SPECC1: variants seen among roughly 807,000 people sequenced by gnomAD.
SPECC1 encodes cytospin-B.
In SPECC1, 62 loss-of-function variants were observed where a neutral mutation model predicts 104.1. The ratio of observed to expected loss-of-function variants is 0.60; its 90% CI spans 0.49 to 0.74. The LOEUF is 0.74. SPECC1 is among the 30% of genes least tolerant of loss of function. The pLI, the probability that SPECC1 is intolerant of heterozygous loss-of-function variation, is 0.00. For missense variants in SPECC1, 1,306 were observed against 1,310.5 expected, an observed-to-expected ratio of 1.00 and a Z score of 0.05; for synonymous variants, 513 against 501.6, an observed-to-expected ratio of 1.02 and a Z score of -0.30.
At chr17:20,011,609 G>C (rs1567791736) in intron 1 of SPECC1, among the ~76,000 whole-genome samples, 1 of 151,118 alleles carries the variant, frequency 6.6e-6, no homozygotes, top group African/African-American at 2.4e-5. Context: ...TAATTCTATT[G>C]ATTTTTTATT....
intron 3 of SPECC1, among the ~76,000 whole-genome samples, chr17:20,202,262 G>T (rs1161787633): frequency 6.6e-6 from 1 of 152,140 alleles, no homozygotes; most frequent in Non-Finnish European, 1.5e-5. Context: ...AAGGTACTGT[G>T]ATGCTAATCA....
At chr17:20,203,916 C>A (rs567161124) in intron 3 of SPECC1, among the ~76,000 whole-genome samples, 1 of 152,224 alleles carries the variant, frequency 6.6e-6, no homozygotes. Context: ...TTCCTTCTTC[C>A]TTCTCTGCCA....
chr17:20,019,793 C>G (rs1000461501), intron 1 of SPECC1, among the ~76,000 whole-genome samples: 13 of 152,158 alleles, frequency 8.5e-5, no homozygotes, highest in African/African-American at 3.1e-4. Context: ...CCCTGATCAC[C>G]CCCATCCATG....
At chr17:20,026,732 G>A (rs1371585545) in intron 1 of SPECC1, among the ~76,000 whole-genome samples, 2 of 152,162 alleles carry the variant, frequency 1.3e-5, no homozygotes, top group African/African-American at 4.8e-5. Flanking sequence ...TGTGAACAGT[G>A]TTGCAATTAA....
chr17:20,173,375 A>G (rs1291784051), intron 3 of SPECC1, among the ~76,000 whole-genome samples: 1 of 152,222 alleles, frequency 6.6e-6, no homozygotes, highest in African/African-American at 2.4e-5. Context: ...TATCTGTGAG[A>G]CAGCTGTGGT....
At chr17:20,279,416 G>T (rs1440610478) in intron 12 of SPECC1, among the ~76,000 whole-genome samples, 4 of 149,756 alleles carry the variant, frequency 2.7e-5, no homozygotes, top group African/African-American at 9.9e-5. Flanking sequence ...TCTGCCCCCT[G>T]GGTTCAAGCG....
At position 20,009,706 on chromosome 17, in the gene SPECC1, C is replaced by T. The variant is rs1426827273; in HGVS notation, c.-22+282C>T. On this transcript the variant is annotated intron_variant, in intron 1 of 14. Transcript: ENST00000395527. This position sits in a 1 kb window ranked among gnomAD's most constrained non-coding sequence, Gnocchi z 5.2. ...GGCAGCGGCAGGTGGCCGCCTCCTC[C>T]CCTCCGGGCCCGAGGGTTGTCGCAG... Among the ~76,000 whole-genome samples the T allele has an allele frequency of 6.6e-6, 1 of 152,116 alleles. No homozygotes were observed. Among genetic ancestry groups the T allele is most frequent in the African/African-American group, 2.4e-5 (1 of 41,444 alleles).
At chr17:20,018,279 A>G (rs1462307179) in intron 1 of SPECC1, among the ~76,000 whole-genome samples, 2 of 152,314 alleles carry the variant, frequency 1.3e-5, no homozygotes, top group African/African-American at 2.4e-5. Context: ...TTTCCTAGAC[A>G]TTTTAGTTGG....
intron 8 of SPECC1, 100 bp downstream of exon 8, chr17:20,246,171 T>A (rs1263799803): frequency 2.1e-6 from 3 of 1,445,648 alleles, no homozygotes; most frequent in Non-Finnish European, 2.8e-6. Flanking sequence ...CCTGTGTTGT[T>A]ACAACCACAA....
At chr17:20,303,436 G>A in intron 13 of SPECC1, among the ~76,000 whole-genome samples, 1 of 152,118 alleles carries the variant, frequency 6.6e-6, no homozygotes, top group Non-Finnish European at 1.5e-5. Flanking sequence ...GCTTTCCAAG[G>A]CATGGGCCAC....
At chr17:20,063,149 G>C (rs1026276939) in intron 1 of SPECC1, among the ~76,000 whole-genome samples, 3 of 152,196 alleles carry the variant, frequency 2.0e-5, no homozygotes, top group Non-Finnish European at 4.4e-5. Flanking sequence ...TAGTCTGCAA[G>C]ATGGGTTTAA....
intron 1 of SPECC1, among the ~76,000 whole-genome samples, chr17:20,070,629 C>G (rs188424560): frequency 1.3e-5 from 2 of 152,076 alleles, no homozygotes; most frequent in African/African-American, 4.8e-5. Flanking sequence ...ACCAATTAGA[C>G]TTTAAATTAT....
At chr17:20,232,823 A>G (rs1481168132) in intron 7 of SPECC1, among the ~76,000 whole-genome samples, 1 of 152,236 alleles carries the variant, frequency 6.6e-6, no homozygotes, top group Non-Finnish European at 1.5e-5. Context: ...CCGGAGAAGG[A>G]CACATTCCTC....
intron 7 of SPECC1, among the ~76,000 whole-genome samples, chr17:20,235,678 C>T (rs1025583348): frequency 6.6e-6 from 1 of 152,186 alleles, no homozygotes; most frequent in Non-Finnish European, 1.5e-5. Context: ...AATGCCATTA[C>T]TTTTAGGGTG....
At chr17:20,222,846 T>C (rs546650654) in intron 4 of SPECC1, among the ~76,000 whole-genome samples, 3 of 152,326 alleles carry the variant, frequency 2.0e-5, no homozygotes, top group South Asian at 4.1e-4. Context: ...TCTCTATTTC[T>C]CTGTCATGTT....
intron 3 of SPECC1, among the ~76,000 whole-genome samples, chr17:20,117,289 A>C (rs564624128): frequency 3.3e-5 from 5 of 152,330 alleles, no homozygotes; most frequent in Non-Finnish European, 2.9e-5. Context: ...CTGCAAGACT[A>C]CAAAGAGAAA....
chr17:20,162,173 T>G (rs1333901671), intron 3 of SPECC1, among the ~76,000 whole-genome samples: 1 of 151,668 alleles, frequency 6.6e-6, no homozygotes, highest in Non-Finnish European at 1.5e-5. Context: ...TTAGACAGAG[T>G]CTCGCTCTGT....
At chr17:20,017,333 C>T (rs1190961862) in intron 1 of SPECC1, 6 of 152,462 alleles carry the variant, frequency 3.9e-5, no homozygotes, top group Admixed American at 3.3e-4. Flanking sequence ...ACGAACAACT[C>T]TAGATGCGCC....
At chr17:20,130,282 C>T (rs377451915) in intron 3 of SPECC1, among the ~76,000 whole-genome samples, 9 of 152,144 alleles carry the variant, frequency 5.9e-5, no homozygotes, top group South Asian at 4.2e-4. Context: ...TGGGGCTGGG[C>T]GTGGTGGCTC....
Sources: gnomAD v4.1 joint callset for allele counts (sites outside exome capture counted in the v4.1 genomes callset) on GRCh38, gnomAD v4.1.1 for gene constraint, Gnocchi (gnomAD v3.1) non-coding constraint, MANE v1.5 for transcripts, NCBI Gene and HGNC (gene_info 2026-07-23, HGNC 2026-07-21) for gene names.